The following PRPF18 variants were observed in gnomAD, a reference collection of about 807,000 sequenced individuals.
PRPF18 encodes pre-mRNA-splicing factor 18.
PRPF18 carries 38 observed loss-of-function variants against 46.5 expected under a neutral mutation model. That is an observed-to-expected ratio of 0.82 (90% confidence interval 0.63 to 1.07). PRPF18 has a LOEUF of 1.07. Among genes scored for constraint, PRPF18 ranks in the 50% least tolerant of loss-of-function variants. The pLI, the probability that PRPF18 is intolerant of heterozygous loss-of-function variation, is 0.00. For synonymous variants in PRPF18, 152 were observed against 146.7 expected (o/e 1.04, Z -0.26); for missense variants, 263 against 410.0 (o/e 0.64, Z 3.10).
intron 8 of PRPF18, among the ~76,000 whole-genome samples, chr10:13,615,565 G>A (rs1286864443): frequency 6.6e-6 from 1 of 152,046 alleles, no homozygotes; most frequent in East Asian, 1.9e-4. Context: ...TAAAAAAATT[G>A]ACTCTCCCTA....
chr10:13,611,554 A>G lies in PRPF18; in HGVS notation c.511-61A>G, dbSNP rs3763788. On this transcript the variant is annotated intron_variant, in intron 5 of 9. Coordinates refer to ENST00000378572, the MANE Select transcript of PRPF18 (RefSeq NM_003675.4). ...AGCCATGTTTAGACTGGTGTTGGTAATATATATGTTTAGTTGTTGCTCTGT... is the reference window on the plus strand; with the variant it reads ...AGCCATGTTTAGACTGGTGTTGGTAGTATATATGTTTAGTTGTTGCTCTGT... The G allele has an allele frequency of 7.7e-3, 10,306 of 1,336,168 alleles. 904 individuals carry two copies. In the East Asian group the frequency reaches 0.19, roughly 25 times the overall value. The allele number at this position is 1,336,168 out of a possible 1,614,324, so 82.8% of individuals were successfully genotyped here.
the PRPF18 span, chr10:13,654,618 C>T: frequency 1.4e-6 from 1 of 697,156 alleles, no homozygotes; most frequent in South Asian, 1.7e-5. Context: ...CAGAGGTCAC[C>T]ATTTCCAGGG....
At chr10:13,644,941 A>G in the PRPF18 span, 1 of 152,282 alleles carries the variant, frequency 6.6e-6, no homozygotes, top group Non-Finnish European at 1.5e-5. Context: ...CGTTCTGGGA[A>G]TATGAATCCC....
At chr10:13,652,037 C>G in the PRPF18 span, 2 of 857,076 alleles carry the variant, frequency 2.3e-6, no homozygotes, top group South Asian at 1.3e-5. Context: ...GACACTGACA[C>G]AGACACAGAC....
At chr10:13,616,018 C>T (rs980619524) in intron 8 of PRPF18, among the ~76,000 whole-genome samples, 3 of 152,144 alleles carry the variant, frequency 2.0e-5, no homozygotes, top group African/African-American at 7.2e-5. Flanking sequence ...CTACATGACC[C>T]CCTGTGGAGA....
At chr10:13,588,073 T>C (rs959361003) in intron 1 of PRPF18, among the ~76,000 whole-genome samples, 16 of 152,114 alleles carry the variant, frequency 1.1e-4, no homozygotes, top group Non-Finnish European at 1.6e-4. Flanking sequence ...CCAGTGCTCC[T>C]GAGAGTTCCC....
At chr10:13,644,017 C>G in the PRPF18 span, 1 of 152,596 alleles carries the variant, frequency 6.6e-6, no homozygotes, top group African/African-American at 2.4e-5. Flanking sequence ...AACTTTACAC[C>G]TAGTTAACTA....
intron 9 of PRPF18, among the ~76,000 whole-genome samples, chr10:13,617,034 A>G (rs2080352182): frequency 6.6e-6 from 1 of 152,226 alleles, no homozygotes; most frequent in South Asian, 2.1e-4. Context: ...AGTCATGTGA[A>G]TAGGTCTAAA....
intron 6 of PRPF18, among the ~76,000 whole-genome samples, chr10:13,613,421 TAATACA>T (rs113230755): frequency 0.24 from 37,132 of 151,748 alleles, 5,085 homozygotes; most frequent in East Asian, 0.65. Flanking sequence ...TTTATGTATA[TAATACA>T]AATACAAATA....
At chr10:13,591,761 T>G in intron 1 of PRPF18, 2 of 1,354,686 alleles carry the variant, frequency 1.5e-6, no homozygotes, top group South Asian at 2.4e-5. Flanking sequence ...TGGTGTTTTC[T>G]TCATAGAGGA....
At chr10:13,610,772 A>T (rs1268885894) in intron 5 of PRPF18, among the ~76,000 whole-genome samples, 1 of 152,142 alleles carries the variant, frequency 6.6e-6, no homozygotes, top group African/African-American at 2.4e-5. Flanking sequence ...TTATATATGT[A>T]TATTTAACTT....
chr10:13,604,753 T>C (rs1241032077), intron 3 of PRPF18, among the ~76,000 whole-genome samples: 1 of 152,218 alleles, frequency 6.6e-6, no homozygotes. Flanking sequence ...GGTAACACAG[T>C]ATATCTGTTT....
At chr10:13,634,334 C>T (rs780049671), downstream of PRPF18, among the ~76,000 whole-genome samples, 23 of 152,174 alleles carry the variant, frequency 1.5e-4, no homozygotes, top group Admixed American at 4.6e-4. Flanking sequence ...AACTTTTTCT[C>T]ACAGTGTTCA....
chr10:13,611,733 A>G (rs11258471), intron 6 of PRPF18, 50 bp downstream of exon 6: 4 of 1,526,658 alleles, frequency 2.6e-6, no homozygotes, highest in African/African-American at 2.8e-5. Flanking sequence ...CTTATGAACT[A>G]TTCTTATATT....
Position 13,587,169 on chromosome 10 carries a change from C to G in PRPF18, c.66+17C>G, listed in dbSNP as rs751478825. ...CTGCTGGTGGTGAGGACCCTGCGGT[C>G]GTGGGGGTCGGGATGTAAGAGTGAG... is the stretch of plus-strand genomic sequence containing the variant. On this transcript the variant is annotated intron_variant, in intron 1 of 9. Coordinates refer to ENST00000378572, the MANE Select transcript of PRPF18 (RefSeq NM_003675.4). The G allele has an allele frequency of 3.1e-6, 5 of 1,607,572 alleles. No individual in the cohort carries two copies. The highest frequency in any genetic ancestry group is 1.7e-5 in the Admixed American group (1 of 59,938).
chr10:13,589,466 C>T (rs987077237), intron 1 of PRPF18, among the ~76,000 whole-genome samples: 2 of 152,138 alleles, frequency 1.3e-5, no homozygotes, highest in East Asian at 3.8e-4. Flanking sequence ...AATTTTACTC[C>T]TTTATCATAA....
In PRPF18 at chr10:13,613,629, A is replaced by T. The variant is rs1422024399; in HGVS notation, c.580-112A>T. The T allele has an allele frequency of 1.3e-5, 15 of 1,169,128 alleles. No homozygotes were observed. In the East Asian group the frequency reaches 3.6e-4, roughly 28 times the overall value. 72.4% of individuals were successfully genotyped at this position (1,169,128 alleles called of 1,614,324 possible). A position where few individuals can be genotyped will look rare whatever the true frequency, so the allele number is the denominator to read the frequency against. Reference sequence around the variant, plus strand: ...TATATTATTTGGTGGCATTTTAATCAAGACATTTACTTTAAGGATGATTGT... The same window carrying T: ...TATATTATTTGGTGGCATTTTAATCTAGACATTTACTTTAAGGATGATTGT... On this transcript the variant is annotated intron_variant, in intron 6 of 9. Coordinates refer to ENST00000378572, the MANE Select transcript of PRPF18 (RefSeq NM_003675.4).
intron 9 of PRPF18, among the ~76,000 whole-genome samples, chr10:13,627,777 G>C (rs750600871): frequency 2.0e-5 from 3 of 152,168 alleles, no homozygotes; most frequent in African/African-American, 7.2e-5. Flanking sequence ...CATCACACAC[G>C]TCTTCTGTAA....
At position 13,613,844 on chromosome 10, in the gene PRPF18, C is replaced by T. The variant is rs2080304125; in HGVS notation, c.683C>T (p.Ser228Phe). 5 of 1,613,660 alleles carry T rather than the reference C, an allele frequency of 3.1e-6. No individual in the cohort carries two copies. Among genetic ancestry groups the T allele is most frequent in the Non-Finnish European group, 3.4e-6 (4 of 1,179,900 alleles). The change falls in exon 7 of 10, where the codon TCC (serine) becomes TTC (phenylalanine). Residue 228 changes from serine (S) to phenylalanine (F), a missense_variant. Physicochemically the swap from Ser to Phe is radical, Grantham distance 155. This residue lies in a region of PRPF18 where 155 missense variants were observed against 245.1 expected (regional missense o/e 0.63). Transcript: ENST00000378572. ...LNSATQKQTESYLRPLFRKLR... is the reference protein window; with the variant it reads ...LNSATQKQTEFYLRPLFRKLR... ...AGTGCGACCCAGAAACAGACCGAGT[C>T]CTACCTAAGACCACTTTTTAGAAAG...
Sources: allele counts gnomAD v4.1 joint callset (sites outside exome capture counted in the v4.1 genomes callset), GRCh38; gene constraint gnomAD v4.1.1; regional missense constraint gnomAD v4.1.1; transcripts MANE v1.5; gene names NCBI Gene and HGNC (gene_info 2026-07-23, HGNC 2026-07-21).